TNKS: variants seen among roughly 807,000 people sequenced by gnomAD.
TNKS encodes tankyrase.
A neutral mutation model predicts 135.8 loss-of-function variants in TNKS; 72 were observed. That is an observed-to-expected ratio of 0.53 (90% CI 0.44 to 0.64). The LOEUF is 0.64. Among genes scored for constraint, TNKS ranks in the 30% least tolerant of loss-of-function variants. The pLI is 0.00. For missense variants in TNKS, 1,769 were observed against 1,674.0 expected, an observed-to-expected ratio of 1.06 and a Z score of -0.99; for synonymous variants, 849 against 649.3, an observed-to-expected ratio of 1.31 and a Z score of -4.68.
intron 2 of TNKS, among the ~76,000 whole-genome samples, chr8:9,598,628 G>A (rs1477388014): frequency 2.0e-5 from 3 of 151,102 alleles, no homozygotes; most frequent in Non-Finnish European, 3.0e-5. Flanking sequence ...CCAGTGATGC[G>A]GAGGTTGCAG....
rs535715245 is a variant in TNKS at position 9,560,493 on chromosome 8, C to CTTTTTTTTTTTT, written c.673+3900_673+3911dup. On this transcript the variant is annotated intron_variant, in intron 1 of 26. Transcript: ENST00000310430. Reference sequence around the variant, plus strand: ...GATTTTTCAGCATGGCCATACTTGTCTTTTTTTTTTTTTTTTTTTTTTTTT... The same window carrying CTTTTTTTTTTTT: ...GATTTTTCAGCATGGCCATACTTGTCTTTTTTTTTTTTTTTTTTTTTTTTTTTTTTTTTTTTT... Among the ~76,000 whole-genome samples, 17 of 42,312 alleles carry CTTTTTTTTTTTT rather than the reference C, an allele frequency of 4.0e-4. 4 individuals are homozygous for CTTTTTTTTTTTT. Among genetic ancestry groups the CTTTTTTTTTTTT allele is most frequent in the African/African-American group, 1.7e-3 (14 of 8,318 alleles). 27.8% of individuals were successfully genotyped at this position (42,312 alleles called of 152,430 possible). A position where few individuals can be genotyped will look rare whatever the true frequency, so the allele number is the denominator to read the frequency against.
chr8:9,643,135 A>C (rs1163764773), intron 3 of TNKS, among the ~76,000 whole-genome samples: 3 of 146,588 alleles, frequency 2.0e-5, no homozygotes, highest in African/African-American at 7.6e-5. Flanking sequence ...CATTAGACAT[A>C]ATCTTGGAAA....
In TNKS at chr8:9,761,591, C is replaced by T; in HGVS notation, c.3229C>T (p.His1077Tyr). 1 of 1,602,286 alleles carries T rather than the reference C, an allele frequency of 6.2e-7. No homozygotes were observed. Among genetic ancestry groups the T allele is most frequent in the Non-Finnish European group, 8.5e-7 (1 of 1,177,082 alleles). The change falls in exon 21 of 27, where the codon CAC (histidine) becomes TAC (tyrosine). Residue 1077 changes from histidine (H) to tyrosine (Y), a missense_variant. Physicochemically the swap from His to Tyr is moderately conservative, Grantham distance 83. Around this residue, in one of 5 missense-constraint regions of TNKS, gnomAD observed 722 missense variants for 688.9 expected, o/e 1.05. Coordinates refer to ENST00000310430, the MANE Select transcript of TNKS (RefSeq NM_003747.3). The stretch of plus-strand genomic sequence containing the variant: ...AGGCATCAATGCATATGGGCACCGC[C>T]ACAAATTAATCAAAGGAGTAGAAAG... ...EIGINAYGHRHKLIKGVERLL... is the reference protein window; with the variant it reads ...EIGINAYGHRYKLIKGVERLL...
chr8:9,681,400 A>G (rs921385541), intron 5 of TNKS, among the ~76,000 whole-genome samples: 16 of 152,158 alleles, frequency 1.1e-4, no homozygotes, highest in African/African-American at 3.4e-4. Context: ...TAAAATATAC[A>G]GCTGGCAGCT....
At chr8:9,705,864 T>A (rs1486049186) in intron 6 of TNKS, among the ~76,000 whole-genome samples, 1 of 152,232 alleles carries the variant, frequency 6.6e-6, no homozygotes, top group Non-Finnish European at 1.5e-5. Context: ...ATATTTCAGT[T>A]CACTACCAAT....
chr8:9,583,554 T>C (rs1798251385), intron 2 of TNKS, among the ~76,000 whole-genome samples: 2 of 152,042 alleles, frequency 1.3e-5, no homozygotes, highest in South Asian at 4.2e-4. Flanking sequence ...GGTGGCGCGA[T>C]CTCTGCTCAC....
intron 17 of TNKS, among the ~76,000 whole-genome samples, chr8:9,743,880 C>T (rs1410766722): frequency 1.3e-5 from 2 of 152,152 alleles, no homozygotes; most frequent in Non-Finnish European, 2.9e-5. Flanking sequence ...TTGACTGGCT[C>T]AGTGCTGTGT....
At chr8:9,588,294 TGA>T (rs1798462310) in intron 2 of TNKS, among the ~76,000 whole-genome samples, 1 of 152,076 alleles carries the variant, frequency 6.6e-6, no homozygotes, top group South Asian at 2.1e-4. Context: ...TTTTTTTTTT[TGA>T]GACAGTCTTG....
intron 2 of TNKS, among the ~76,000 whole-genome samples, chr8:9,583,930 CG>C (rs1798268284): frequency 6.6e-6 from 1 of 151,074 alleles, no homozygotes; most frequent in South Asian, 2.1e-4. Context: ...TTTGGGAGGC[CG>C]AGATGGGTGG....
chr8:9,679,753 G>A (rs1001013052), intron 3 of TNKS, 198 bp from the exon 4 acceptor site: 31 of 510,654 alleles, frequency 6.1e-5, no homozygotes, highest in Admixed American at 1.6e-4. Context: ...ACAAGAAGCT[G>A]CGTCAATTTG....
At chr8:9,595,350 T>C (rs1251870083) in intron 2 of TNKS, among the ~76,000 whole-genome samples, 2 of 152,112 alleles carry the variant, frequency 1.3e-5, no homozygotes, top group Non-Finnish European at 2.9e-5. Context: ...ACTTGTATCC[T>C]TAAAACAGAG....
At chr8:9,613,001 T>C (rs1205933283) in intron 2 of TNKS, among the ~76,000 whole-genome samples, 2 of 152,174 alleles carry the variant, frequency 1.3e-5, no homozygotes, top group Non-Finnish European at 2.9e-5. Context: ...CGTCTTCCCA[T>C]TGAGTGGGCT....
intron 2 of TNKS, chr8:9,615,270 C>A: frequency 4.9e-6 from 1 of 202,430 alleles, no homozygotes; most frequent in Non-Finnish European, 1.0e-5. Flanking sequence ...ACAGTGTGAG[C>A]CAGCGAGCAC....
rs373796765 is a variant in TNKS, at chr8:9,564,493, G to A, written c.673+7881G>A. 2.6e-5 allele frequency among the ~76,000 whole-genome samples: 4 copies of A among 152,298 alleles called. No individual in the cohort carries two copies. The East Asian group carries it at 7.7e-4, about 29-fold the overall frequency. On this transcript the variant is annotated intron_variant, in intron 1 of 26. Coordinates refer to ENST00000310430, the MANE Select transcript of TNKS (RefSeq NM_003747.3). ...TGGTTTTGGAAAGGAATAAACATGA[G>A]CTCTGTGATGACATGAGGGAGAAAA... is the stretch of plus-strand genomic sequence containing the variant.
At chr8:9,583,990 C>G (rs1798270720) in intron 2 of TNKS, among the ~76,000 whole-genome samples, 1 of 151,258 alleles carries the variant, frequency 6.6e-6, no homozygotes. Flanking sequence ...CAGTGAAACA[C>G]CGTCTCTACT....
chr8:9,713,161 C>G (rs867681665), intron 11 of TNKS, among the ~76,000 whole-genome samples: 10 of 152,080 alleles, frequency 6.6e-5, no homozygotes, highest in African/African-American at 2.2e-4. Flanking sequence ...GAACAGAGTT[C>G]TACAGATGTA....
intron 3 of TNKS, among the ~76,000 whole-genome samples, chr8:9,676,970 A>G (rs554087738): frequency 3.3e-5 from 5 of 152,216 alleles, no homozygotes; most frequent in Non-Finnish European, 7.3e-5. Flanking sequence ...AATGCTCCAT[A>G]GAGCACCATA....
chr8:9,668,736 A>G (rs574672444), intron 3 of TNKS, among the ~76,000 whole-genome samples: 2 of 152,354 alleles, frequency 1.3e-5, no homozygotes, highest in African/African-American at 2.4e-5. Context: ...CATTGTCAAC[A>G]TGAGCAAAGA....
At position 9,570,851 on chromosome 8, in the gene TNKS, C is replaced by T. The variant is rs190864090; in HGVS notation, c.674-9308C>T. 9.1e-4 allele frequency among the ~76,000 whole-genome samples: 138 copies of T among 152,206 alleles called. 4 individuals are homozygous for T. Among genetic ancestry groups the T allele is most frequent in the Admixed American group, 7.4e-3 (113 of 15,290 alleles). On this transcript the variant is annotated intron_variant, in intron 1 of 26. Coordinates refer to ENST00000310430, the MANE Select transcript of TNKS (RefSeq NM_003747.3). The stretch of plus-strand genomic sequence containing the variant: ...CCCAGTGTGGTGGCATGTCTGTAGC[C>T]CCGGCTACTAGAGAGGCTGAGGTGG...
Sources: gnomAD v4.1 joint callset for allele counts (sites outside exome capture counted in the v4.1 genomes callset) on GRCh38, gnomAD v4.1.1 for gene constraint, gnomAD v4.1.1 regional missense constraint, MANE v1.5 for transcripts, NCBI Gene and HGNC (gene_info 2026-07-23, HGNC 2026-07-21) for gene names.